Variants in ELP3 observed in about 807,000 individuals in gnomAD.
The protein encoded by ELP3 is elongator acetyltransferase complex subunit 3.
In ELP3, 56 loss-of-function variants were observed where a neutral mutation model predicts 74.9. The ratio of observed to expected loss-of-function variants is 0.75; its 90% confidence interval spans 0.60 to 0.93. The LOEUF is 0.93. ELP3 is among the 40% of genes least tolerant of loss of function. The pLI is 0.00. For missense variants in ELP3, 573 were observed against 686.5 expected, an observed-to-expected ratio of 0.83 and a Z score of 1.85; for synonymous variants, 222 against 239.8, an observed-to-expected ratio of 0.93 and a Z score of 0.68.
At chr8:28,098,528 G>A (rs1158156599) in intron 2 of ELP3, among the ~76,000 whole-genome samples, 1 of 151,686 alleles carries the variant, frequency 6.6e-6, no homozygotes, top group Non-Finnish European at 1.5e-5. Context: ...TTAATTTCTA[G>A]TGAACATTTC....
At chr8:28,177,433 A>G (rs1182385910) in intron 14 of ELP3, among the ~76,000 whole-genome samples, 1 of 152,242 alleles carries the variant, frequency 6.6e-6, no homozygotes, top group Non-Finnish European at 1.5e-5. Flanking sequence ...AAACTAATGA[A>G]TATATTTCCT....
chr8:28,100,669 A>G lies in ELP3; in HGVS notation c.258+703A>G, dbSNP rs777347533. On this transcript the variant is annotated intron_variant, in intron 3 of 14. Transcript: ENST00000256398. Reference sequence around the variant, plus strand: ...TAGATAATAGGAAACAAAAGTTTTGAAAAAGGTAGTAATATGAACAAAGTA... The same window carrying G: ...TAGATAATAGGAAACAAAAGTTTTGGAAAAGGTAGTAATATGAACAAAGTA... Among the ~76,000 whole-genome samples, 8 of 152,250 alleles carry G rather than the reference A, an allele frequency of 5.3e-5. 1 individual carries two copies. Among genetic ancestry groups the G allele is most frequent in the Non-Finnish European group, 8.8e-5 (6 of 68,040 alleles).
Position 28,094,125 on chromosome 8 carries a change from A to G in ELP3, c.19+892A>G, listed in dbSNP as rs1260268850. The stretch of plus-strand genomic sequence containing the variant: ...AAGTTACCTTAGATTAAGTCTTGTC[A>G]TATTTGCATGCCCTAAATTAATTTG... On this transcript the variant is annotated intron_variant, in intron 1 of 14. Transcript: ENST00000256398. 2.0e-5 allele frequency among the ~76,000 whole-genome samples: 3 copies of G among 152,258 alleles called. No homozygotes were observed. In the East Asian group the frequency reaches 5.8e-4, roughly 29 times the overall value.
chr8:28,186,634 G>A (rs1318244356), intron 14 of ELP3, among the ~76,000 whole-genome samples: 1 of 152,214 alleles, frequency 6.6e-6, no homozygotes, highest in Non-Finnish European at 1.5e-5. Context: ...GCTGGATCTA[G>A]TGAGGGCCTT....
intron 8 of ELP3, among the ~76,000 whole-genome samples, chr8:28,131,137 G>T (rs1812772231): frequency 6.6e-6 from 1 of 152,214 alleles, no homozygotes; most frequent in African/African-American, 2.4e-5. Flanking sequence ...GAATGGTGGT[G>T]ATTGGTGACT....
intron 14 of ELP3, among the ~76,000 whole-genome samples, chr8:28,171,470 A>G (rs1297744418): frequency 6.6e-6 from 1 of 152,020 alleles, no homozygotes; most frequent in Non-Finnish European, 1.5e-5. Flanking sequence ...TCTTCTTTAG[A>G]GAGATGTCTA....
chr8:28,097,427 T>G (rs1162113403), intron 2 of ELP3, 109 bp downstream of exon 2: 1 of 705,554 alleles, frequency 1.4e-6, no homozygotes, highest in East Asian at 2.7e-5. Flanking sequence ...TAGTTGAGAA[T>G]TTTAGCTTTC....
chr8:28,113,204 A>T, intron 7 of ELP3, 31 bp downstream of exon 7: 1 of 1,595,756 alleles, frequency 6.3e-7, no homozygotes, highest in Non-Finnish European at 8.5e-7. Context: ...CATAGTCTCC[A>T]GAGTGGTTGT....
intron 10 of ELP3, among the ~76,000 whole-genome samples, chr8:28,143,090 C>T (rs1477538966): frequency 2.0e-5 from 3 of 152,106 alleles, no homozygotes; most frequent in African/African-American, 7.2e-5. Context: ...AAAAATGATT[C>T]AGATTTATTT....
Position 28,147,202 on chromosome 8 carries a change from T to G in ELP3, c.1101-8740T>G, listed in dbSNP as rs181823470. Among the ~76,000 whole-genome samples the G allele has an allele frequency of 4.9e-4, 74 of 152,318 alleles. 2 individuals carry two copies. The East Asian group carries it at 0.011, about 23-fold the overall frequency. ...TAGAGAGTTTACGTCTATTGAAATT[T>G]TAATGTCTTTTGAAAGTACCAGTTT... is the stretch of plus-strand genomic sequence containing the variant. On this transcript the variant is annotated intron_variant, in intron 10 of 14. Coordinates refer to ENST00000256398, the MANE Select transcript of ELP3 (RefSeq NM_018091.6). This position sits in a 1 kb window ranked among gnomAD's most constrained non-coding sequence, Gnocchi z 4.5.
chr8:28,095,041 C>A (rs1252325009), intron 1 of ELP3, among the ~76,000 whole-genome samples: 1 of 152,190 alleles, frequency 6.6e-6, no homozygotes, highest in Non-Finnish European at 1.5e-5. Flanking sequence ...GCCTAGTGGC[C>A]AGGGTCCCCT....
At chr8:28,095,901 G>T (rs1180060494) in intron 1 of ELP3, among the ~76,000 whole-genome samples, 1 of 152,192 alleles carries the variant, frequency 6.6e-6, no homozygotes, top group East Asian at 1.9e-4. Context: ...AGCCCCCTGG[G>T]CCACGGACCA....
At chr8:28,094,790 C>T (rs1811190598) in intron 1 of ELP3, among the ~76,000 whole-genome samples, 1 of 152,100 alleles carries the variant, frequency 6.6e-6, no homozygotes. Context: ...TCCGTTACCA[C>T]ACAGCCAGTA....
At chr8:28,142,723 G>A (rs1384485011) in intron 10 of ELP3, among the ~76,000 whole-genome samples, 1 of 152,224 alleles carries the variant, frequency 6.6e-6, no homozygotes, top group African/African-American at 2.4e-5. Context: ...GTAGTTAACT[G>A]TGAATATGAT....
chr8:28,177,810 A>G (rs948258052), intron 14 of ELP3, among the ~76,000 whole-genome samples: 11 of 152,214 alleles, frequency 7.2e-5, no homozygotes, highest in Non-Finnish European at 4.4e-5. Flanking sequence ...GGTTTTTCTT[A>G]AGGAATTCCA....
intron 14 of ELP3, among the ~76,000 whole-genome samples, chr8:28,166,255 G>A (rs1814302734): frequency 6.6e-6 from 1 of 152,154 alleles, no homozygotes; most frequent in African/African-American, 2.4e-5. Context: ...GACTGCAGAG[G>A]AAGATAAGTT....
At chr8:28,175,726 AGTATAATGTG>A (rs947511665) in intron 14 of ELP3, among the ~76,000 whole-genome samples, 1 of 151,262 alleles carries the variant, frequency 6.6e-6, no homozygotes, top group African/African-American at 2.4e-5. Flanking sequence ...CTACACAATT[AGTATAATGTG>A]GTAACTCTGG....
intron 14 of ELP3, among the ~76,000 whole-genome samples, chr8:28,179,481 T>C (rs1480709353): frequency 6.6e-6 from 1 of 152,230 alleles, no homozygotes; most frequent in Non-Finnish European, 1.5e-5. Context: ...AGGGACTGGT[T>C]TTGTGGAAGA....
rs142921301 is a variant in ELP3 at position 28,137,736 on chromosome 8, G to A, written c.945G>A (p.Leu315=). 36 of 1,613,332 alleles carry A rather than the reference G, an allele frequency of 2.2e-5. No individual in the cohort carries two copies. In the Admixed American group the frequency reaches 2.8e-4, roughly 13 times the overall value. The change falls in exon 10 of 15, where the codon CTG becomes CTA. Residue 315 remains leucine (L), a synonymous_variant. Transcript: ENST00000256398. ...FENPAFRPDG[L]KLYPTLVIRG... ...ACCCTGCTTTTCGTCCCGATGGGCT[G>A]AAACTCTATCCTACCCTGGTGATTC...
Sources: allele counts gnomAD v4.1 joint callset (sites outside exome capture counted in the v4.1 genomes callset), GRCh38; gene constraint gnomAD v4.1.1; non-coding constraint Gnocchi (gnomAD v3.1); transcripts MANE v1.5; gene names NCBI Gene and HGNC (gene_info 2026-07-23, HGNC 2026-07-21).